Variants in INSR observed in about 807,000 individuals in gnomAD.
INSR encodes IR.
Under a neutral mutation model 142.6 loss-of-function variants are expected in INSR, and 67 were observed. That is an observed-to-expected ratio of 0.47 (90% CI 0.39 to 0.58). INSR has a LOEUF of 0.58. Among genes scored for constraint, INSR ranks in the 20% least tolerant of loss-of-function variants. INSR has a pLI of 0.00. For missense variants in INSR, 1,248 were observed against 1,833.2 expected (o/e 0.68, Z 5.83); for synonymous variants, 756 against 743.1 (o/e 1.02, Z -0.28).
intron 19 of INSR, among the ~76,000 whole-genome samples, chr19:7,121,112 C>T (rs745899800): frequency 1.3e-4 from 20 of 152,006 alleles, no homozygotes; most frequent in Non-Finnish European, 2.5e-4. Context: ...ATTCTCTTGC[C>T]TCAGCCTCCT....
Position 7,112,341 on chromosome 19 carries a change from A to G in INSR, c.*4715T>C, listed in dbSNP as rs1972227693. On this transcript the variant is annotated 3_prime_UTR_variant, in exon 22 of 22. Coordinates refer to ENST00000302850, the MANE Select transcript of INSR (RefSeq NM_000208.4). ...GCAGAACGATTTCAATATTCCAAAA[A>G]AAAAGGCGTCTTCTGTACATGGTGC... The G allele has an allele frequency of 6.6e-6, 1 of 152,214 alleles. No homozygotes were observed. Among genetic ancestry groups the G allele is most frequent in the African/African-American group, 2.4e-5 (1 of 41,452 alleles). 9.4% of individuals were successfully genotyped at this position (152,214 alleles called of 1,614,324 possible).
chr19:7,293,832 C>A lies in INSR; in HGVS notation c.60G>T (p.Ala20=). 2.3e-6 allele frequency: 3 copies of A among 1,321,696 alleles called. No individual in the cohort carries two copies. The highest frequency in any genetic ancestry group is 4.2e-5 in the South Asian group (2 of 47,140). 81.9% of individuals were successfully genotyped at this position (1,321,696 alleles called of 1,614,324 possible). ...AAAPLLVAVA[A]LLLGAAGHLY... ...GGTGGCCCGCGGCGCCCAGTAGCAG[C>A]GCGGCCACCGCCACCAGCAGCGGCG... The change falls in exon 1 of 22, where the codon GCG becomes GCT. Residue 20 remains alanine, a synonymous_variant. Coordinates refer to ENST00000302850, the MANE Select transcript of INSR (RefSeq NM_000208.4).
At chr19:7,247,383 G>A (rs1447494201) in intron 2 of INSR, among the ~76,000 whole-genome samples, 2 of 152,062 alleles carry the variant, frequency 1.3e-5, no homozygotes, top group South Asian at 2.1e-4. Context: ...TCTGAGCCCC[G>A]GTCAACACAC....
At chr19:7,149,756 A>G (rs1180923685) in intron 11 of INSR, among the ~76,000 whole-genome samples, 1 of 150,606 alleles carries the variant, frequency 6.6e-6, no homozygotes, top group African/African-American at 2.4e-5. Context: ...CGGGAGGTGG[A>G]GGTTGTGGAG....
At chr19:7,160,656 G>A (rs1484900789) in intron 9 of INSR, among the ~76,000 whole-genome samples, 1 of 151,734 alleles carries the variant, frequency 6.6e-6, no homozygotes, top group Admixed American at 6.6e-5. Flanking sequence ...AAAGAAAAAA[G>A]TGACAGATGC....
At chr19:7,157,400 C>A (rs1379515797) in intron 9 of INSR, among the ~76,000 whole-genome samples, 3 of 151,660 alleles carry the variant, frequency 2.0e-5, no homozygotes, top group African/African-American at 7.3e-5. Context: ...CAGGCGTGAG[C>A]CACTGCGCCC....
At position 7,150,451 on chromosome 19, in the gene INSR, G is replaced by A. The variant is rs1161317210; in HGVS notation, c.2267+46C>T. 7.5e-6 allele frequency: 12 copies of A among 1,595,794 alleles called. No individual in the cohort carries two copies. The highest frequency in any genetic ancestry group is 3.3e-5 in the Admixed American group (2 of 59,928). ...CGAGGCATCTGCCTGGCACGCCGCC[G>A]GCCCTGCGCGGAGCAGGCACCAGGG... On this transcript the variant is annotated intron_variant, in intron 11 of 21. Transcript: ENST00000302850. The surrounding 1 kb of genome is among the most constrained non-coding windows in gnomAD (Gnocchi z 4.2).
At chr19:7,160,078 C>T (rs925934068) in intron 9 of INSR, among the ~76,000 whole-genome samples, 2 of 152,064 alleles carry the variant, frequency 1.3e-5, no homozygotes, top group South Asian at 2.1e-4. Flanking sequence ...GCAGGAGGAT[C>T]GCTTGTGGTC....
chr19:7,148,473 T>C (rs1358775173), intron 11 of INSR, among the ~76,000 whole-genome samples: 10 of 92,194 alleles, frequency 1.1e-4, no homozygotes, highest in Non-Finnish European at 8.7e-5. Flanking sequence ...ATTATGTATT[T>C]ATTCTTTTTT....
chr19:7,248,200 C>T (rs564109600), intron 2 of INSR, among the ~76,000 whole-genome samples: 2 of 151,122 alleles, frequency 1.3e-5, no homozygotes, highest in South Asian at 2.1e-4. Flanking sequence ...GGCTGGAGTG[C>T]AGTGGCATGA....
rs563200869 is a variant in INSR, at chr19:7,169,336, G to A, written c.1483+1201C>T. ...TGTAATCTCAGCACTTTGGGAGGCC[G>A]AGGCGGGAGGATCACCTGAGGTCAG... On this transcript the variant is annotated intron_variant, in intron 6 of 21. Coordinates refer to ENST00000302850, the MANE Select transcript of INSR (RefSeq NM_000208.4). 4.6e-5 allele frequency among the ~76,000 whole-genome samples: 7 copies of A among 152,014 alleles called. No individual in the cohort carries two copies. In the East Asian group the frequency reaches 7.7e-4, roughly 17 times the overall value.
intron 1 of INSR, among the ~76,000 whole-genome samples, chr19:7,291,621 C>T (rs1381067090): frequency 2.0e-5 from 3 of 152,064 alleles, no homozygotes; most frequent in Non-Finnish European, 2.9e-5. Context: ...AACCATAAAC[C>T]CCTGCCCATA....
rs1371940222 is a variant in INSR at position 7,225,724 on chromosome 19, G to T, written c.653-41087C>A. On this transcript the variant is annotated intron_variant, in intron 2 of 21. Transcript: ENST00000302850. This position sits in a 1 kb window ranked among gnomAD's most constrained non-coding sequence, Gnocchi z 4.7. ...TCCCCCCCCTCAAAAAAAGAGCAGA[G>T]AATAATTGCAGAGTGCCCCTCACCC... is the stretch of plus-strand genomic sequence containing the variant. Among the ~76,000 whole-genome samples the T allele has an allele frequency of 6.6e-6, 1 of 150,694 alleles. No homozygotes were observed. Among genetic ancestry groups the T allele is most frequent in the Non-Finnish European group, 1.5e-5 (1 of 67,710 alleles).
intron 3 of INSR, 24 bp from the exon 4 acceptor site, chr19:7,174,755 A>G (rs537950494): frequency 6.2e-7 from 1 of 1,608,754 alleles, no homozygotes; most frequent in South Asian, 1.1e-5. Flanking sequence ...AGAGAGAGAG[A>G]GAAAGAGAAA....
chr19:7,185,720 G>A (rs1974408881), intron 2 of INSR, among the ~76,000 whole-genome samples: 1 of 150,812 alleles, frequency 6.6e-6, no homozygotes, highest in African/African-American at 2.5e-5. Context: ...GTGCATGCCT[G>A]TAATCCCAGC....
intron 1 of INSR, among the ~76,000 whole-genome samples, chr19:7,277,669 C>T (rs1182005119): frequency 1.3e-5 from 2 of 152,004 alleles, no homozygotes; most frequent in African/African-American, 2.4e-5. Context: ...TGGTGAGGCG[C>T]GTCTGTGCTC....
intron 2 of INSR, among the ~76,000 whole-genome samples, chr19:7,266,455 G>A (rs1353082333): frequency 5.4e-5 from 8 of 148,664 alleles, no homozygotes; most frequent in Middle Eastern, 3.3e-3. Flanking sequence ...GCACAATCTC[G>A]GCTCACTGCA....
intron 21 of INSR, among the ~76,000 whole-genome samples, chr19:7,117,976 A>T (rs1972379382): frequency 6.6e-6 from 1 of 151,112 alleles, no homozygotes; most frequent in Non-Finnish European, 1.5e-5. Flanking sequence ...GCGCAATCAT[A>T]GCTCATTGCA....
chr19:7,169,084 C>A (rs6510953), intron 6 of INSR, among the ~76,000 whole-genome samples: 36,889 of 152,174 alleles, frequency 0.24, 4,552 homozygotes, highest in Middle Eastern at 0.3. Context: ...ACAGCCCCCA[C>A]CTATGACTGA....
Sources: allele counts gnomAD v4.1 joint callset (sites outside exome capture counted in the v4.1 genomes callset), GRCh38; gene constraint gnomAD v4.1.1; non-coding constraint Gnocchi (gnomAD v3.1); transcripts MANE v1.5; gene names NCBI Gene and HGNC (gene_info 2026-07-23, HGNC 2026-07-21).